TMEM74: variants seen among roughly 807,000 people sequenced by gnomAD.
TMEM74 encodes transmembrane protein 74.
Under a neutral mutation model 18.1 loss-of-function variants are expected in TMEM74, and 13 were observed. That is an observed-to-expected ratio of 0.72 (90% confidence interval 0.47 to 1.14). The LOEUF (loss-of-function observed/expected upper bound fraction) is 1.14. TMEM74 is among the 50% of genes most tolerant of loss of function. TMEM74 has a pLI of 0.00. For missense variants in TMEM74, 372 were observed against 375.9 expected (o/e 0.99, Z 0.09); for synonymous variants, 159 against 146.6 (o/e 1.08, Z -0.61).
rs557705003 is a variant in TMEM74, at chr8:108,662,326, G to C, written n.120-6889C>G. The stretch of plus-strand genomic sequence containing the variant: ...CACCTAGAGAGAAAACAAACAGATA[G>C]GCAGTGAGGGAACAAACAGAGACAG... On this transcript the variant is annotated intron_variant and non_coding_transcript_variant, in intron 1 of 3. Transcript: ENST00000518838. Among the ~76,000 whole-genome samples the C allele has an allele frequency of 2.6e-5, 4 of 152,112 alleles. No homozygotes were observed. The East Asian group carries it at 7.7e-4, about 29-fold the overall frequency.
At chr8:108,676,682 C>T (rs763128973) in intron 1 of TMEM74, among the ~76,000 whole-genome samples, 5 of 152,150 alleles carry the variant, frequency 3.3e-5, no homozygotes, top group Admixed American at 6.5e-5. Context: ...TCTCCTTCCC[C>T]CTTCTCAAAC....
intron 1 of TMEM74, among the ~76,000 whole-genome samples, chr8:108,755,809 A>T (rs1223996892): frequency 6.6e-6 from 1 of 152,104 alleles, no homozygotes; most frequent in Non-Finnish European, 1.5e-5. Flanking sequence ...TAGACATTGG[A>T]TATTAATAAC....
At chr8:108,773,602 G>A (rs934940845) in intron 1 of TMEM74, among the ~76,000 whole-genome samples, 9 of 152,224 alleles carry the variant, frequency 5.9e-5, no homozygotes, top group South Asian at 2.1e-4. Flanking sequence ...AGTGTTTGAC[G>A]TCCAAAACTG....
At chr8:108,650,950 A>G (rs961753565) in intron 2 of TMEM74, among the ~76,000 whole-genome samples, 8 of 152,108 alleles carry the variant, frequency 5.3e-5, no homozygotes, top group African/African-American at 1.7e-4. Flanking sequence ...ACCTCAGGTG[A>G]TCTGCCCACC....
chr8:108,652,743 G>T (rs760887380), intron 2 of TMEM74: 3 of 520,058 alleles, frequency 5.8e-6, no homozygotes, highest in Non-Finnish European at 1.1e-5. Context: ...TCTTTTGGAA[G>T]ACAAACACTC....
chr8:108,699,099 T>C (rs1274451539), intron 1 of TMEM74, among the ~76,000 whole-genome samples: 1 of 148,574 alleles, frequency 6.7e-6, no homozygotes, highest in Non-Finnish European at 1.5e-5. Flanking sequence ...ATCATTGCTT[T>C]CCCTCCCCTC....
chr8:108,765,584 T>A (rs1246202770), intron 1 of TMEM74, among the ~76,000 whole-genome samples: 1 of 151,822 alleles, frequency 6.6e-6, no homozygotes, highest in Non-Finnish European at 1.5e-5. Flanking sequence ...ATTTTTTGTA[T>A]GTTTAGTAGA....
At chr8:108,765,965 A>C (rs1415204753) in intron 1 of TMEM74, among the ~76,000 whole-genome samples, 4 of 152,190 alleles carry the variant, frequency 2.6e-5, no homozygotes, top group African/African-American at 9.6e-5. Flanking sequence ...TGTTCATATC[A>C]GAGCTTTGGA....
chr8:108,725,817 T>C (rs1434667850), intron 1 of TMEM74, among the ~76,000 whole-genome samples: 1 of 152,224 alleles, frequency 6.6e-6, no homozygotes, highest in Non-Finnish European at 1.5e-5. Context: ...TCAGGATATG[T>C]GTTATTGCAG....
chr8:108,632,445 T>G lies in TMEM74; in HGVS notation n.264+22848A>C, dbSNP rs138194932. Among the ~76,000 whole-genome samples, 478 of 152,114 alleles carry G rather than the reference T, an allele frequency of 3.1e-3. 3 individuals carry two copies. The highest frequency in any genetic ancestry group is 0.011 in the African/African-American group (456 of 41,548). ...ATGTTTACCAATGACAATGCATATA[T>G]TTATCATTAGAAAATGCAATGATGT... is the stretch of plus-strand genomic sequence containing the variant. On this transcript the variant is annotated intron_variant and non_coding_transcript_variant, in intron 2 of 3. Coordinates refer to the TMEM74 transcript ENST00000518838.
chr8:108,718,052 G>A (rs1201411351), intron 1 of TMEM74, among the ~76,000 whole-genome samples: 2 of 68,296 alleles, frequency 2.9e-5, no homozygotes, highest in Admixed American at 1.8e-4. Context: ...TCCGCCTCCC[G>A]GGTTCACGCC....
intron 1 of TMEM74, among the ~76,000 whole-genome samples, chr8:108,695,989 T>A (rs1813278453): frequency 6.6e-6 from 1 of 152,208 alleles, no homozygotes; most frequent in Non-Finnish European, 1.5e-5. Flanking sequence ...CTCCGAATAA[T>A]CTACCCTGAA....
Position 108,780,087 on chromosome 8 carries a change from T to A in TMEM74, c.*4094A>T, listed in dbSNP as rs1814284356. Among the ~76,000 whole-genome samples, 1 of 152,194 alleles carries A rather than the reference T, an allele frequency of 6.6e-6. No individual in the cohort carries two copies. The highest frequency in any genetic ancestry group is 6.5e-5 in the Admixed American group (1 of 15,274). ...CTTCTCATCGTAGTCATTCTTTATGTCCAATTCTGGGAAAGGTTAAACCCA... is the reference window on the plus strand; with the variant it reads ...CTTCTCATCGTAGTCATTCTTTATGACCAATTCTGGGAAAGGTTAAACCCA... On this transcript the variant is annotated 3_prime_UTR_variant, in exon 2 of 2. Coordinates refer to ENST00000297459, the MANE Select transcript of TMEM74 (RefSeq NM_153015.3).
At chr8:108,665,665 G>T (rs1234786224) in intron 1 of TMEM74, among the ~76,000 whole-genome samples, 2 of 152,124 alleles carry the variant, frequency 1.3e-5, no homozygotes, top group African/African-American at 4.8e-5. Context: ...TGCTAATGTG[G>T]TTGTCTAAGT....
chr8:108,651,197 A>G (rs1812771549), intron 2 of TMEM74, among the ~76,000 whole-genome samples: 1 of 152,324 alleles, frequency 6.6e-6, no homozygotes, highest in South Asian at 2.1e-4. Flanking sequence ...AAGTACCACT[A>G]TACTTTGCAG....
At chr8:108,669,149 G>T (rs1812977592) in intron 1 of TMEM74, among the ~76,000 whole-genome samples, 1 of 151,896 alleles carries the variant, frequency 6.6e-6, no homozygotes, top group Non-Finnish European at 1.5e-5. Flanking sequence ...AATACTTAGG[G>T]GACTTATAGA....
At chr8:108,714,817 T>C (rs1813507270) in intron 1 of TMEM74, among the ~76,000 whole-genome samples, 1 of 152,158 alleles carries the variant, frequency 6.6e-6, no homozygotes, top group Non-Finnish European at 1.5e-5. Context: ...AAATGTGGAA[T>C]ATATATACCA....
intron 1 of TMEM74, among the ~76,000 whole-genome samples, chr8:108,694,483 C>A (rs10105443): frequency 1.3e-5 from 2 of 151,988 alleles, no homozygotes; most frequent in Non-Finnish European, 2.9e-5. Flanking sequence ...TAGGCAAATC[C>A]ATAGAAACTT....
At chr8:108,670,735 C>A (rs562504141) in intron 1 of TMEM74, among the ~76,000 whole-genome samples, 2 of 151,888 alleles carry the variant, frequency 1.3e-5, no homozygotes, top group African/African-American at 2.4e-5. Flanking sequence ...TAACATGTTA[C>A]CAGAATCTAT....
Sources: allele counts gnomAD v4.1 joint callset (sites outside exome capture counted in the v4.1 genomes callset), GRCh38; gene constraint gnomAD v4.1.1; transcripts MANE v1.5; gene names NCBI Gene and HGNC (gene_info 2026-07-23, HGNC 2026-07-21).